The following AFAP1 variants were observed in gnomAD, a reference collection of about 807,000 sequenced individuals.
AFAP1 encodes actin filament associated protein 1.
Under a neutral mutation model 93.9 loss-of-function variants are expected in AFAP1, and 75 were observed. The observed-to-expected ratio is 0.80, with a 90% CI of 0.66 to 0.97. AFAP1 has a LOEUF of 0.97. Ranked by LOEUF, AFAP1 falls within the 50% of genes least tolerant of loss-of-function variation. The pLI is 0.00. For missense variants in AFAP1, 1,201 were observed against 1,050.8 expected (o/e 1.14, Z -1.98); for synonymous variants, 517 against 430.7 (o/e 1.20, Z -2.48).
intron 3 of AFAP1, among the ~76,000 whole-genome samples, chr4:7,867,799 C>CT (rs1716592756): frequency 6.6e-6 from 1 of 151,670 alleles, no homozygotes; most frequent in Non-Finnish European, 1.5e-5. Flanking sequence ...CCTCTGTGCC[C>CT]ACTGCAGTGA....
chr4:7,851,282 G>A (rs1159941388), intron 4 of AFAP1, among the ~76,000 whole-genome samples: 3 of 152,100 alleles, frequency 2.0e-5, no homozygotes, highest in Non-Finnish European at 4.4e-5. Context: ...CCCATGAAGG[G>A]GCACTCCATC....
At chr4:7,779,003 A>AT in intron 13 of AFAP1, 127 bp from the exon 14 acceptor site, 1 of 717,128 alleles carries the variant, frequency 1.4e-6, no homozygotes, top group South Asian at 1.9e-5. Context: ...GATGGAGGAA[A>AT]AATCGAAAGT....
intron 13 of AFAP1, among the ~76,000 whole-genome samples, chr4:7,779,672 T>C (rs10015031): frequency 0.15 from 23,361 of 152,188 alleles, 1,936 homozygotes; most frequent in African/African-American, 0.2. Flanking sequence ...ATTCTGGCTC[T>C]ATCAATCATT....
chr4:7,872,239 G>T (rs1181357656), intron 1 of AFAP1, 159 bp from the exon 2 acceptor site: 4 of 818,796 alleles, frequency 4.9e-6, no homozygotes, highest in South Asian at 4.3e-5. Context: ...TCCACTAAAA[G>T]ATTCAGGCGT....
In AFAP1 at chr4:7,851,205, G is replaced by A. The variant is rs561082611; in HGVS notation, c.334+4261C>T. Among the ~76,000 whole-genome samples, 12 of 152,226 alleles carry A rather than the reference G, an allele frequency of 7.9e-5. No individual in the cohort carries two copies. In the South Asian group the frequency reaches 2.5e-3, roughly 32 times the overall value. On this transcript the variant is annotated intron_variant, in intron 4 of 17. Transcript: ENST00000420658. The stretch of plus-strand genomic sequence containing the variant: ...AGTGAAGCCCTGGCAGAGACGTAAT[G>A]CTTCACCATGAGACACCAAGAGAAG...
At chr4:7,911,270 T>C (rs926242192) in intron 1 of AFAP1, among the ~76,000 whole-genome samples, 1 of 152,002 alleles carries the variant, frequency 6.6e-6, no homozygotes, top group East Asian at 1.9e-4. Flanking sequence ...CCACCAAATA[T>C]AGGCAGGAGC....
At chr4:7,916,305 A>G (rs1345806069) in intron 1 of AFAP1, among the ~76,000 whole-genome samples, 2 of 152,212 alleles carry the variant, frequency 1.3e-5, no homozygotes, top group Non-Finnish European at 2.9e-5. Flanking sequence ...AGAAAACAAT[A>G]CAGCAGACAT....
rs150224046 is a variant in AFAP1 at position 7,768,510 on chromosome 4, C to G, written c.2418+334G>C. Among the ~76,000 whole-genome samples, 754 of 152,226 alleles carry G rather than the reference C, an allele frequency of 5.0e-3. 3 individuals are homozygous for G. Among genetic ancestry groups the G allele is most frequent in the African/African-American group, 0.017 (688 of 41,548 alleles). On this transcript the variant is annotated intron_variant, in intron 17 of 17. Coordinates refer to ENST00000420658, the MANE Select transcript of AFAP1 (RefSeq NM_001134647.2). ...GAGTGCTGAAGAGGACTTCAGCGGT[C>G]TCCTGGTCTAATCTCCACCGCACCA... is the stretch of plus-strand genomic sequence containing the variant.
intron 14 of AFAP1, chr4:7,775,115 TG>T (rs1337500354): frequency 1.8e-6 from 1 of 543,266 alleles, no homozygotes; most frequent in Non-Finnish European, 3.1e-6. Context: ...TGCTCCAGCC[TG>T]GATGACAGTG....
At chr4:7,773,107 G>C (rs745448482) in intron 15 of AFAP1, 97 bp from the exon 16 acceptor site, 1 of 1,472,802 alleles carries the variant, frequency 6.8e-7, no homozygotes, top group African/African-American at 1.4e-5. Context: ...TCCACAAAAC[G>C]TCTGAGGTCG....
intron 6 of AFAP1, among the ~76,000 whole-genome samples, chr4:7,820,648 G>A (rs1173600602): frequency 1.3e-5 from 2 of 152,160 alleles, no homozygotes; most frequent in Non-Finnish European, 2.9e-5. Flanking sequence ...GGGAAGCGGA[G>A]AGACTAGGAG....
At chr4:7,926,599 T>C (rs1053205736) in intron 1 of AFAP1, among the ~76,000 whole-genome samples, 1 of 152,098 alleles carries the variant, frequency 6.6e-6, no homozygotes, top group Non-Finnish European at 1.5e-5. Context: ...CGTGGACTAT[T>C]TAGAGTGTAG....
intron 1 of AFAP1, among the ~76,000 whole-genome samples, chr4:7,892,800 G>A (rs1452707058): frequency 6.6e-6 from 1 of 152,094 alleles, no homozygotes; most frequent in Non-Finnish European, 1.5e-5. Flanking sequence ...TCAGCCAGCT[G>A]GGATGAAATT....
At chr4:7,935,369 TAAAA>T (rs909023390) in intron 1 of AFAP1, among the ~76,000 whole-genome samples, 2 of 152,302 alleles carry the variant, frequency 1.3e-5, no homozygotes, top group Non-Finnish European at 2.9e-5. Flanking sequence ...AGTCCTCTGC[TAAAA>T]AGAACTAAAG....
intron 1 of AFAP1, among the ~76,000 whole-genome samples, chr4:7,936,440 TCA>T (rs1206883045): frequency 2.0e-5 from 3 of 151,564 alleles, no homozygotes; most frequent in Non-Finnish European, 4.4e-5. Flanking sequence ...TCCTCCTACC[TCA>T]GTCTCCCAAA....
chr4:7,774,893 C>G lies in AFAP1; in HGVS notation c.1908G>C (p.Gln636His). 1 of 1,613,044 alleles carries G rather than the reference C, an allele frequency of 6.2e-7. No individual in the cohort carries two copies. Among genetic ancestry groups the G allele is most frequent in the Non-Finnish European group, 8.5e-7 (1 of 1,179,824 alleles). Residue 636 changes from glutamine (Q) to histidine (H), a missense_variant, in exon 15 of 18, where the codon CAG becomes CAC. By Grantham distance (24) the Gln-to-His change is conservative. Transcript: ENST00000420658. Reference protein sequence around the residue: ...VVKRTGSNAAQYKYGKNRVEA... With the variant: ...VVKRTGSNAAHYKYGKNRVEA... ...CTACCCGGTTCTTGCCATACTTGTA[C>G]TGGGCAGCATCTTGAGAAGAAAAAA...
At chr4:7,817,595 A>G (rs938635177) in intron 7 of AFAP1, among the ~76,000 whole-genome samples, 1 of 150,936 alleles carries the variant, frequency 6.6e-6, no homozygotes, top group African/African-American at 2.5e-5. Context: ...CCATCTCAGA[A>G]AACAAACAAA....
intron 6 of AFAP1, among the ~76,000 whole-genome samples, chr4:7,828,309 G>A (rs189482131): frequency 2.6e-5 from 4 of 152,330 alleles, no homozygotes; most frequent in South Asian, 4.1e-4. Context: ...ACTCTGCTAC[G>A]TCCTGATGAG....
chr4:7,884,525 C>T (rs1185365773), intron 1 of AFAP1, among the ~76,000 whole-genome samples: 8 of 152,046 alleles, frequency 5.3e-5, no homozygotes, highest in African/African-American at 1.9e-4. Flanking sequence ...AATTCCCAGT[C>T]GGATCCATAG....
Sources: allele counts gnomAD v4.1 joint callset (sites outside exome capture counted in the v4.1 genomes callset), GRCh38; gene constraint gnomAD v4.1.1; transcripts MANE v1.5; gene names NCBI Gene and HGNC (gene_info 2026-07-23, HGNC 2026-07-21).